The following DISC1 variants were observed in gnomAD, a reference collection of about 807,000 sequenced individuals.
DISC1 encodes disrupted in schizophrenia 1 protein.
A neutral mutation model predicts 84.5 loss-of-function variants in DISC1; 57 were observed. That is an observed-to-expected ratio of 0.67 (90% confidence interval 0.55 to 0.84). The LOEUF is 0.84. Ranked by LOEUF, DISC1 falls within the 40% of genes least tolerant of loss-of-function variation. DISC1 has a pLI of 0.00. For synonymous variants in DISC1, 411 were observed against 415.2 expected (o/e 0.99, Z 0.12); for missense variants, 1,000 against 1,057.8 (o/e 0.95, Z 0.76).
At chr1:231,962,563 A>G (rs993490893) in intron 10 of DISC1, among the ~76,000 whole-genome samples, 3 of 152,204 alleles carry the variant, frequency 2.0e-5, no homozygotes, top group Non-Finnish European at 4.4e-5. Context: ...GTAAGGCTAC[A>G]GTAACAAAAA....
At chr1:231,989,432 A>C (rs2094686) in intron 10 of DISC1, among the ~76,000 whole-genome samples, 1 of 152,230 alleles carries the variant, frequency 6.6e-6, no homozygotes. Flanking sequence ...TTTGCTTATC[A>C]TAGGCATGCC....
chr1:231,956,098 A>G (rs1307955506), intron 9 of DISC1, among the ~76,000 whole-genome samples: 3 of 152,062 alleles, frequency 2.0e-5, no homozygotes, highest in Admixed American at 1.3e-4. Flanking sequence ...CTGCCCCCCA[A>G]TGTGGAGGGA....
rs191199577 is a variant in DISC1 at position 231,716,478 on chromosome 1, C to T, written c.1117+14454C>T. Reference sequence around the variant, plus strand: ...CTAAATTTCATGACCTAGAATCTCTCGTTTTCTGCCTGATGCTTTGTTGCA... The same window carrying T: ...CTAAATTTCATGACCTAGAATCTCTTGTTTTCTGCCTGATGCTTTGTTGCA... On this transcript the variant is annotated intron_variant, in intron 3 of 12. Coordinates refer to ENST00000439617, the MANE Select transcript of DISC1 (RefSeq NM_018662.3). 6.2e-3 allele frequency among the ~76,000 whole-genome samples: 937 copies of T among 152,150 alleles called. 7 individuals are homozygous for T. The highest frequency in any genetic ancestry group is 7.7e-3 in the Non-Finnish European group (526 of 68,008).
chr1:231,646,072 A>G (rs1390562639), intron 1 of DISC1, among the ~76,000 whole-genome samples: 2 of 146,362 alleles, frequency 1.4e-5, no homozygotes, highest in East Asian at 4.0e-4. Context: ...TTTTTTTTTT[A>G]CAATAACAGT....
chr1:231,689,841 G>T (rs955588388), intron 1 of DISC1, among the ~76,000 whole-genome samples: 1 of 152,176 alleles, frequency 6.6e-6, no homozygotes, highest in Non-Finnish European at 1.5e-5. Context: ...ACAGTGCTGG[G>T]TGTTAACAAT....
At position 231,727,148 on chromosome 1, in the gene DISC1, G is replaced by A. The variant is rs1444542761; in HGVS notation, c.1118-22778G>A. Among the ~76,000 whole-genome samples the A allele has an allele frequency of 3.9e-5, 6 of 152,204 alleles. No individual in the cohort carries two copies. The South Asian group carries it at 6.2e-4, about 16-fold the overall frequency. On this transcript the variant is annotated intron_variant, in intron 3 of 12. Coordinates refer to ENST00000439617, the MANE Select transcript of DISC1 (RefSeq NM_018662.3). ...GGATGAACATAGCACATGATTATCC[G>A]TGGAATACTCAGAAACTATCATCTC...
chr1:231,703,874 T>C (rs537961723), intron 3 of DISC1, among the ~76,000 whole-genome samples: 2 of 152,200 alleles, frequency 1.3e-5, no homozygotes, highest in Non-Finnish European at 2.9e-5. Context: ...TCCTGGTGAC[T>C]GGGGTGTGTC....
intron 3 of DISC1, among the ~76,000 whole-genome samples, chr1:231,724,397 A>G (rs1015690984): frequency 6.6e-6 from 1 of 152,080 alleles, no homozygotes; most frequent in Non-Finnish European, 1.5e-5. Context: ...GGGTTCTAGA[A>G]CCCTGCAAAC....
chr1:231,756,231 C>T (rs1047602829), intron 4 of DISC1, among the ~76,000 whole-genome samples: 3 of 152,188 alleles, frequency 2.0e-5, no homozygotes, highest in Admixed American at 2.0e-4. Context: ...AATATCCTTG[C>T]AAAGCTCTGC....
chr1:231,754,074 G>C (rs2074891067), intron 4 of DISC1, among the ~76,000 whole-genome samples: 1 of 152,104 alleles, frequency 6.6e-6, no homozygotes, highest in Non-Finnish European at 1.5e-5. Context: ...TCAGTTTCTA[G>C]GCATTTCCAA....
chr1:231,844,613 G>C (rs1433567057), intron 9 of DISC1, among the ~76,000 whole-genome samples: 4 of 152,144 alleles, frequency 2.6e-5, no homozygotes, highest in Non-Finnish European at 5.9e-5. Flanking sequence ...GAGGCTTCCA[G>C]GTTATAGGAA....
chr1:231,984,522 C>T (rs979625120), intron 10 of DISC1, among the ~76,000 whole-genome samples: 4 of 152,022 alleles, frequency 2.6e-5, no homozygotes, highest in South Asian at 2.1e-4. Context: ...GGGTACAAAA[C>T]GAAACATGGA....
At chr1:231,982,000 A>G (rs992126067) in intron 10 of DISC1, among the ~76,000 whole-genome samples, 1 of 152,234 alleles carries the variant, frequency 6.6e-6, no homozygotes, top group African/African-American at 2.4e-5. Context: ...TGGCAACACT[A>G]TTAAGAGTAG....
chr1:231,800,697 T>G (rs2079161730), intron 8 of DISC1, among the ~76,000 whole-genome samples: 1 of 152,136 alleles, frequency 6.6e-6, no homozygotes, highest in Admixed American at 6.6e-5. Context: ...AAGTCAAGAG[T>G]CTCTGAAAAC....
At chr1:231,923,008 T>C (rs1415762040) in intron 9 of DISC1, among the ~76,000 whole-genome samples, 1 of 152,124 alleles carries the variant, frequency 6.6e-6, no homozygotes, top group African/African-American at 2.4e-5. Flanking sequence ...CCAGGCGTGG[T>C]GGCTCACGCC....
chr1:231,714,952 A>T (rs2068483354), intron 3 of DISC1, among the ~76,000 whole-genome samples: 1 of 152,240 alleles, frequency 6.6e-6, no homozygotes, highest in East Asian at 1.9e-4. Flanking sequence ...AATGTCAAAG[A>T]ACTTGTGGGC....
intron 6 of DISC1, among the ~76,000 whole-genome samples, chr1:231,785,936 T>C (rs550356291): frequency 2.9e-4 from 44 of 152,338 alleles, no homozygotes; most frequent in African/African-American, 1.1e-3. Context: ...ATCCCTCACT[T>C]AGTGTAAAAA....
At chr1:231,804,458 T>C (rs1483322584) in intron 8 of DISC1, among the ~76,000 whole-genome samples, 2 of 150,138 alleles carry the variant, frequency 1.3e-5, no homozygotes, top group African/African-American at 5.0e-5. Context: ...AGATCCCCCT[T>C]CCTTTTTTTT....
At position 231,803,674 on chromosome 1, in the gene DISC1, C is replaced by T. The variant is rs184102804; in HGVS notation, c.1792+3464C>T. On this transcript the variant is annotated intron_variant, in intron 8 of 12. Transcript: ENST00000439617. Reference sequence around the variant, plus strand: ...TAAGACAGAAGCCACAGATGCCAGGCGCGGTGGCTCACGCCTATAATCCCA... The same window carrying T: ...TAAGACAGAAGCCACAGATGCCAGGTGCGGTGGCTCACGCCTATAATCCCA... 3.0e-3 allele frequency among the ~76,000 whole-genome samples: 462 copies of T among 152,186 alleles called. 3 individuals carry two copies. Among genetic ancestry groups the T allele is most frequent in the African/African-American group, 0.01 (424 of 41,520 alleles).
Sources: allele counts gnomAD v4.1 joint callset (sites outside exome capture counted in the v4.1 genomes callset), GRCh38; gene constraint gnomAD v4.1.1; transcripts MANE v1.5; gene names NCBI Gene and HGNC (gene_info 2026-07-23, HGNC 2026-07-21).